SYT15: variants seen among roughly 807,000 people sequenced by gnomAD.
SYT15 encodes the protein synaptotagmin 15.
A neutral mutation model predicts 30.1 loss-of-function variants in SYT15; 4 were observed. The observed-to-expected ratio is 0.13, with a 90% CI of 0.07 to 0.30. SYT15 has a LOEUF of 0.30. SYT15 is among the 10% of genes least tolerant of loss of function. The pLI is 1.00. For synonymous variants in SYT15, 19 were observed against 166.3 expected (o/e 0.11, Z 6.82); for missense variants, 49 against 371.7 (o/e 0.13, Z 7.14).
rs1268522276 is a variant in SYT15 at position 46,591,886 on chromosome 10, T to G, written c.*4239T>G. On this transcript the variant is annotated 3_prime_UTR_variant, in exon 8 of 8. Transcript: ENST00000374321. ...GCTTTCTCTACCACTCACAATGGTA[T>G]TTTTTTCACTTTCCCCCTTATTTTT... 6.4e-5 allele frequency: 9 copies of G among 140,476 alleles called. No homozygotes were observed. The highest frequency in any genetic ancestry group is 6.3e-4 in the Admixed American group (9 of 14,286). 8.7% of individuals were successfully genotyped at this position (140,476 alleles called of 1,614,324 possible).
In SYT15 at chr10:46,582,388, ATTT is replaced by A. The variant is rs1844341573; in HGVS notation, c.651+198_651+200del. ...TCCCTGATAGAGGGGCAGGGGAGAG[ATTT>A]GGTGAGTGGTGACCAGAAGCCTGGG... On this transcript the variant is annotated intron_variant, in intron 4 of 7. Transcript: ENST00000374321. Among the ~76,000 whole-genome samples, 4 of 148,986 alleles carry A rather than the reference ATTT, an allele frequency of 2.7e-5. No individual in the cohort carries two copies. The South Asian group carries it at 8.5e-4, about 32-fold the overall frequency.
At chr10:46,595,899 C>T (rs1565257932), downstream of SYT15, 1 of 141,926 alleles carries the variant, frequency 7.0e-6, no homozygotes, top group Non-Finnish European at 1.5e-5. Flanking sequence ...TGTGCAGATG[C>T]ATATCTGTGT....
intron 7 of SYT15, among the ~76,000 whole-genome samples, chr10:46,586,439 G>C (rs1844942724): frequency 1.1e-5 from 1 of 87,764 alleles, no homozygotes; most frequent in Non-Finnish European, 2.1e-5. Flanking sequence ...CCAGCTACTT[G>C]GGAGGCTGAG....
At chr10:46,584,757 T>C (rs1844689091) in intron 6 of SYT15, 142 bp downstream of exon 6, 1 of 1,366,780 alleles carries the variant, frequency 7.3e-7, no homozygotes, top group Non-Finnish European at 9.7e-7. Flanking sequence ...CAAGACGTGC[T>C]GTCCCTCGGT....
At chr10:46,586,736 T>C (rs1359747985) in intron 7 of SYT15, among the ~76,000 whole-genome samples, 2 of 119,116 alleles carry the variant, frequency 1.7e-5, no homozygotes, top group Non-Finnish European at 1.7e-5. Flanking sequence ...GCCCAACTAC[T>C]CGGGAGGCTG....
downstream of SYT15, chr10:46,596,811 C>A: frequency 4.6e-6 from 2 of 437,266 alleles, no homozygotes; most frequent in South Asian, 3.2e-5. Flanking sequence ...CAAGCCTGGG[C>A]CAGACTTGGG....
At chr10:46,593,402 C>G (rs1474666005), downstream of SYT15, 1 of 144,594 alleles carries the variant, frequency 6.9e-6, no homozygotes, top group Non-Finnish European at 1.5e-5. Flanking sequence ...ACCAACCTGG[C>G]CAACATGGTG....
downstream of SYT15, among the ~76,000 whole-genome samples, chr10:46,595,134 T>C (rs868935003): frequency 8.4e-3 from 1,089 of 129,562 alleles, 69 homozygotes; most frequent in Non-Finnish European, 0.012. Context: ...GGCAACTCAC[T>C]TTTTTTTTTT....
chr10:46,586,471 G>A (rs1398959701), intron 7 of SYT15, among the ~76,000 whole-genome samples: 7 of 86,068 alleles, frequency 8.1e-5, no homozygotes, highest in African/African-American at 3.9e-4. Flanking sequence ...GCATGAGCCT[G>A]GGAGGCGGAG....
In SYT15 at chr10:46,591,729, A is replaced by G. The variant is rs562803201; in HGVS notation, c.*4082A>G. ...AGAGAGGATAAAGCCTGCCACTGTT[A>G]TTATGAATTTGTTTATTTCTCCTTT... is the stretch of plus-strand genomic sequence containing the variant. On this transcript the variant is annotated 3_prime_UTR_variant, in exon 8 of 8. Transcript: ENST00000374321. The G allele has an allele frequency of 7.0e-6, 1 of 142,112 alleles. No individual in the cohort carries two copies. The highest frequency in any genetic ancestry group is 2.0e-4 in the East Asian group (1 of 4,994). The allele number at this position is 142,112 out of a possible 1,614,324, so 8.8% of individuals were successfully genotyped here.
intron 2 of SYT15, among the ~76,000 whole-genome samples, chr10:46,580,682 G>C (rs868935214): frequency 4.3e-4 from 1 of 2,342 alleles, no homozygotes; most frequent in African/African-American, 4.5e-4. Context: ...TCCCACTGCT[G>C]TGTGTGTGTG....
chr10:46,584,459 T>C (rs1844623528), intron 5 of SYT15, 36 bp from the exon 6 acceptor site: 2 of 1,612,550 alleles, frequency 1.2e-6, no homozygotes, highest in African/African-American at 2.7e-5. Context: ...CTTGCCAGAG[T>C]AACAGGGTGG....
downstream of SYT15, chr10:46,593,367 G>A (rs1252440759): frequency 4.2e-5 from 6 of 144,476 alleles, no homozygotes; most frequent in South Asian, 1.3e-3. Context: ...AAGGCCAGTG[G>A]ATCACCTGAG....
chr10:46,596,483 T>A (rs1845690498), downstream of SYT15, among the ~76,000 whole-genome samples: 1 of 145,194 alleles, frequency 6.9e-6, no homozygotes, highest in South Asian at 2.2e-4. Flanking sequence ...AGACTTCCAT[T>A]TCCAGAAAAA....
At position 46,591,803 on chromosome 10, in the gene SYT15, C is replaced by T. The variant is rs144275210; in HGVS notation, c.*4156C>T. ...TGCATTTAGAGGTTGTGTTATTAGG[C>T]TCATACCCATTTAAAATTGACGTTT... On this transcript the variant is annotated 3_prime_UTR_variant, in exon 8 of 8. Coordinates refer to ENST00000374321, the MANE Select transcript of SYT15 (RefSeq NM_031912.5). The T allele has an allele frequency of 4.6e-4, 66 of 143,382 alleles. 4 individuals carry two copies. In the East Asian group the frequency reaches 0.013, roughly 28 times the overall value. 8.9% of individuals were successfully genotyped at this position (143,382 alleles called of 1,614,324 possible).
At chr10:46,596,597 AG>A (rs1218718412), downstream of SYT15, among the ~76,000 whole-genome samples, 3 of 144,684 alleles carry the variant, frequency 2.1e-5, no homozygotes, top group Non-Finnish European at 4.5e-5. Context: ...CTGCAGTAGA[AG>A]GGGACCTCGA....
At chr10:46,582,780 GTCA>G (rs1329201171) in intron 4 of SYT15, 1 of 67,682 alleles carries the variant, frequency 1.5e-5, no homozygotes, top group East Asian at 4.1e-4. Flanking sequence ...AGGGGAAGGA[GTCA>G]TCGAGACCTG....
In SYT15 at chr10:46,586,851, AAAAAG is replaced by A. The variant is rs1244092824; in HGVS notation, c.1124-639_1124-635del. ...AGAGCGAGACTCTGTCAAAAAAAAA[AAAAAG>A]AAAAGAAAAGAAAAAGAAAGAGGTT... On this transcript the variant is annotated intron_variant, in intron 7 of 7. Transcript: ENST00000374321. Among the ~76,000 whole-genome samples, 37 of 30,340 alleles carry A rather than the reference AAAAAG, an allele frequency of 1.2e-3. 4 individuals carry two copies. Among genetic ancestry groups the A allele is most frequent in the Non-Finnish European group, 2.4e-3 (28 of 11,742 alleles). The allele number at this position is 30,340 out of a possible 152,430, so 19.9% of individuals were successfully genotyped here.
intron 2 of SYT15, among the ~76,000 whole-genome samples, chr10:46,580,680 CTG>C (rs10588659): frequency 0.037 from 4,642 of 124,300 alleles, 394 homozygotes; most frequent in African/African-American, 0.091. Flanking sequence ...AATCCCACTG[CTG>C]TGTGTGTGTG....
Sources: gnomAD v4.1 joint callset for allele counts (sites outside exome capture counted in the v4.1 genomes callset) on GRCh38, gnomAD v4.1.1 for gene constraint, MANE v1.5 for transcripts, NCBI Gene and HGNC (gene_info 2026-07-23, HGNC 2026-07-21) for gene names.